ARHGAP44: variants seen among roughly 807,000 people sequenced by gnomAD.
ARHGAP44 encodes Rho GTPase activating protein 44, also known as rho GTPase-activating protein 44.
Under a neutral mutation model 106.8 loss-of-function variants are expected in ARHGAP44, and 43 were observed. The ratio of observed to expected loss-of-function variants is 0.40; its 90% CI spans 0.32 to 0.52. ARHGAP44 has a LOEUF of 0.52. ARHGAP44 is among the 20% of genes least tolerant of loss of function. The pLI is 0.48. For missense variants in ARHGAP44, 866 were observed against 1,050.5 expected (o/e 0.82, Z 2.43); for synonymous variants, 439 against 410.3 (o/e 1.07, Z -0.85).
At position 12,990,326 on chromosome 17, in the gene ARHGAP44, C is replaced by T. The variant is rs2040097785; in HGVS notation, c.*155C>T. 2.0e-6 allele frequency: 2 copies of T among 1,002,362 alleles called. No homozygotes were observed. Among genetic ancestry groups the T allele is most frequent in the Non-Finnish European group, 2.9e-6 (2 of 699,068 alleles). The allele number at this position is 1,002,362 out of a possible 1,614,324, so 62.1% of individuals were successfully genotyped here. On this transcript the variant is annotated 3_prime_UTR_variant, in exon 21 of 21. Transcript: ENST00000379672. ...GAATTTGGCAGAAAATTGTGATCTC[C>T]AGTCCGTGTGGTGATGCTGGTGGTG...
At chr17:12,819,904 T>C (rs988143536) in intron 1 of ARHGAP44, among the ~76,000 whole-genome samples, 6 of 152,114 alleles carry the variant, frequency 3.9e-5, no homozygotes, top group Non-Finnish European at 5.9e-5. Flanking sequence ...AACAGAGTTT[T>C]TAATTTTGAC....
At chr17:12,871,908 T>C (rs1002327797) in intron 1 of ARHGAP44, among the ~76,000 whole-genome samples, 8 of 152,176 alleles carry the variant, frequency 5.3e-5, no homozygotes, top group African/African-American at 1.9e-4. Context: ...AGCATCATGC[T>C]TCCTCTATAA....
intron 18 of ARHGAP44, 80 bp from the exon 19 acceptor site, chr17:12,979,978 C>A (rs1484651344): frequency 2.7e-5 from 38 of 1,422,498 alleles, no homozygotes; most frequent in Non-Finnish European, 3.2e-5. Context: ...GAAGGACACA[C>A]AGGGTGGCCA....
intron 6 of ARHGAP44, among the ~76,000 whole-genome samples, chr17:12,925,995 A>G (rs1309995116): frequency 6.6e-6 from 1 of 152,206 alleles, no homozygotes; most frequent in Non-Finnish European, 1.5e-5. Context: ...ACATGACAAG[A>G]GTTTACCTTG....
chr17:12,850,000 G>T (rs1183057303), intron 1 of ARHGAP44, among the ~76,000 whole-genome samples: 1 of 152,134 alleles, frequency 6.6e-6, no homozygotes, highest in African/African-American at 2.4e-5. Flanking sequence ...TTTCCCTTAT[G>T]CTTCACTTTA....
intron 1 of ARHGAP44, among the ~76,000 whole-genome samples, chr17:12,885,261 G>A (rs776489956): frequency 2.6e-5 from 4 of 152,138 alleles, no homozygotes; most frequent in Non-Finnish European, 5.9e-5. Flanking sequence ...CTGTTGAAGG[G>A]CATTTGAGTT....
At chr17:12,980,962 G>A (rs968256477) in intron 19 of ARHGAP44, 1 of 152,266 alleles carries the variant, frequency 6.6e-6, no homozygotes, top group Non-Finnish European at 1.5e-5. Context: ...AATAGGGCCC[G>A]GATTTAGCTC....
At chr17:12,805,726 G>A (rs963928476) in intron 1 of ARHGAP44, among the ~76,000 whole-genome samples, 6 of 152,290 alleles carry the variant, frequency 3.9e-5, no homozygotes, top group African/African-American at 1.4e-4. Flanking sequence ...TCTGCAAAGC[G>A]GATACTGAGA....
At chr17:12,851,778 A>G (rs2035749923) in intron 1 of ARHGAP44, among the ~76,000 whole-genome samples, 1 of 151,532 alleles carries the variant, frequency 6.6e-6, no homozygotes, top group South Asian at 2.1e-4. Flanking sequence ...CTGTGTCTCC[A>G]CTCCCCTAAC....
At chr17:12,868,896 TC>T (rs1257292367) in intron 1 of ARHGAP44, among the ~76,000 whole-genome samples, 1 of 151,562 alleles carries the variant, frequency 6.6e-6, no homozygotes, top group Admixed American at 6.6e-5. Flanking sequence ...GACCTCGTGA[TC>T]CACCCACCTT....
intron 1 of ARHGAP44, among the ~76,000 whole-genome samples, chr17:12,816,045 A>G (rs1218813376): frequency 6.6e-6 from 1 of 152,088 alleles, no homozygotes; most frequent in African/African-American, 2.4e-5. Context: ...AGTGGGAGTT[A>G]CTGAACGCAG....
At chr17:12,795,613 T>C (rs1343521115) in intron 1 of ARHGAP44, among the ~76,000 whole-genome samples, 1 of 152,072 alleles carries the variant, frequency 6.6e-6, no homozygotes, top group Non-Finnish European at 1.5e-5. Context: ...ATACTGGTAA[T>C]TTATGGTCAT....
chr17:12,798,323 A>T (rs953785825), intron 1 of ARHGAP44, among the ~76,000 whole-genome samples: 1 of 152,154 alleles, frequency 6.6e-6, no homozygotes, highest in Non-Finnish European at 1.5e-5. Context: ...TTGTTTTTTA[A>T]TTATGTTACA....
intron 18 of ARHGAP44, among the ~76,000 whole-genome samples, chr17:12,978,056 A>AAAAAAAT (rs71144940): frequency 6.7e-6 from 1 of 149,214 alleles, no homozygotes; most frequent in Admixed American, 6.7e-5. Flanking sequence ...AAAAAAAAAA[A>AAAAAAAT]GTGTGTTTCG....
At chr17:12,888,931 A>G (rs756099638) in intron 1 of ARHGAP44, among the ~76,000 whole-genome samples, 4 of 152,076 alleles carry the variant, frequency 2.6e-5, no homozygotes, top group Non-Finnish European at 5.9e-5. Flanking sequence ...CAGTGCTTCC[A>G]TTATGTCTTT....
In ARHGAP44 at chr17:12,955,883, T is replaced by G; in HGVS notation, c.1153T>G (p.Leu385Val). The G allele has an allele frequency of 6.2e-7, 1 of 1,613,146 alleles. No homozygotes were observed. The highest frequency in any genetic ancestry group is 8.5e-7 in the Non-Finnish European group (1 of 1,179,496). Residue 385 changes from leucine to valine, a missense_variant, in exon 14 of 21, where the codon TTA becomes GTA. Leu to Val is a conservative substitution (Grantham distance 32, BLOSUM62 1). This residue lies in a region of ARHGAP44 where 448 missense variants were observed against 646.9 expected (regional missense o/e 0.69). Transcript: ENST00000379672. The part of the protein sequence containing the change: ...HNNIRYLIKF[L>V]SKLSEYQDVN... ...TTCTTTTAGATACTTGATAAAATTT[T>G]TATCCAAGCTGTCAGAATATCAAGA...
In ARHGAP44 at chr17:12,848,540, C is replaced by T. The variant is rs1014247797; in HGVS notation, c.54-46400C>T. Among the ~76,000 whole-genome samples, 7 of 151,472 alleles carry T rather than the reference C, an allele frequency of 4.6e-5. No homozygotes were observed. The East Asian group carries it at 6.0e-4, about 13-fold the overall frequency. The stretch of plus-strand genomic sequence containing the variant: ...TTTTCCTCTAATTCATGCCAAAACC[C>T]GTGATTTTTTTTAAAGTCAGAAAAT... On this transcript the variant is annotated intron_variant, in intron 1 of 20. Transcript: ENST00000379672.
At chr17:12,987,459 G>T in intron 20 of ARHGAP44, 1 of 296,476 alleles carries the variant, frequency 3.4e-6, no homozygotes, top group Admixed American at 4.8e-5. Context: ...CCTCCCTCAG[G>T]CTTAGACCGT....
chr17:12,935,991 C>G (rs574937914), intron 7 of ARHGAP44, among the ~76,000 whole-genome samples: 1 of 152,174 alleles, frequency 6.6e-6, no homozygotes, highest in African/African-American at 2.4e-5. Context: ...TTGCACTTTT[C>G]TTTACCTTTG....
Sources: allele counts gnomAD v4.1 joint callset (sites outside exome capture counted in the v4.1 genomes callset), GRCh38; gene constraint gnomAD v4.1.1; regional missense constraint gnomAD v4.1.1; transcripts MANE v1.5; gene names NCBI Gene and HGNC (gene_info 2026-07-23, HGNC 2026-07-21).